Variants in PLEKHA3 observed in about 807,000 individuals in gnomAD.
The protein encoded by PLEKHA3 is pleckstrin homology domain containing A3, also known as pleckstrin homology domain-containing family A member 3.
Under a neutral mutation model 39.2 loss-of-function variants are expected in PLEKHA3, and 19 were observed. The observed-to-expected ratio is 0.48, with a 90% confidence interval of 0.34 to 0.71. The LOEUF is 0.71. PLEKHA3 is among the 30% of genes least tolerant of loss of function. The pLI is 0.01. For synonymous variants in PLEKHA3, 97 were observed against 118.6 expected, an observed-to-expected ratio of 0.82 and a Z score of 1.18; for missense variants, 253 against 359.5, an observed-to-expected ratio of 0.70 and a Z score of 2.40.
intron 4 of PLEKHA3, 127 bp downstream of exon 4, chr2:178,494,116 A>C: frequency 1.0e-6 from 1 of 1,002,952 alleles, no homozygotes; most frequent in Non-Finnish European, 1.4e-6. Flanking sequence ...GGTTCTGCCT[A>C]CTGTATACTA....
At position 178,514,044 on chromosome 2, in the gene PLEKHA3, C is replaced by T. The variant is rs999694137; in HGVS notation, c.*10157C>T. The T allele has an allele frequency of 1.3e-5, 2 of 152,032 alleles. No homozygotes were observed. Among genetic ancestry groups the T allele is most frequent in the African/African-American group, 4.8e-5 (2 of 41,388 alleles). The allele number at this position is 152,032 out of a possible 1,614,324, so 9.4% of individuals were successfully genotyped here. On this transcript the variant is annotated 3_prime_UTR_variant, in exon 8 of 8. Transcript: ENST00000234453. ...TCCATAGCCTCTTGCAATGGTGCCT[C>T]ATCTTGGGGAGGCTTTAGAACACAG...
At chr2:178,500,876 G>A (rs970803175) in intron 6 of PLEKHA3, among the ~76,000 whole-genome samples, 185 bp from the exon 7 acceptor site, 5 of 152,076 alleles carry the variant, frequency 3.3e-5, no homozygotes, top group African/African-American at 9.6e-5. Flanking sequence ...TATTCTCCAG[G>A]TTACCAGCTG....
At chr2:178,485,001 A>G (rs902988465) in intron 1 of PLEKHA3, among the ~76,000 whole-genome samples, 2 of 152,246 alleles carry the variant, frequency 1.3e-5, no homozygotes, top group Non-Finnish European at 2.9e-5. Flanking sequence ...TGTTCTCACC[A>G]TAGGGTATGT....
intron 6 of PLEKHA3, among the ~76,000 whole-genome samples, chr2:178,500,017 A>C (rs1044255292): frequency 3.9e-5 from 6 of 152,112 alleles, no homozygotes; most frequent in Non-Finnish European, 7.4e-5. Context: ...AGAGAAAACC[A>C]CTTGATATTT....
In PLEKHA3 at chr2:178,495,679, G is replaced by A; in HGVS notation, c.615+19G>A. 6.4e-7 allele frequency: 1 copy of A among 1,573,806 alleles called. No individual in the cohort carries two copies. Among genetic ancestry groups the A allele is most frequent in the Non-Finnish European group, 8.6e-7 (1 of 1,158,070 alleles). ...TCAAATGGTTTGAACTTCTTGTTTTGGTTTTTTCCCTCAGTAGTAATGTTG... is the reference window on the plus strand; with the variant it reads ...TCAAATGGTTTGAACTTCTTGTTTTAGTTTTTTCCCTCAGTAGTAATGTTG... On this transcript the variant is annotated intron_variant, in intron 5 of 7. Transcript: ENST00000234453.
In PLEKHA3 at chr2:178,509,468, A is replaced by G. The variant is rs1685649753; in HGVS notation, c.*5581A>G. 1.3e-5 allele frequency: 2 copies of G among 151,144 alleles called. No individual in the cohort carries two copies. The highest frequency in any genetic ancestry group is 4.9e-5 in the African/African-American group (2 of 41,138). 9.4% of individuals were successfully genotyped at this position (151,144 alleles called of 1,614,324 possible). On this transcript the variant is annotated 3_prime_UTR_variant, in exon 8 of 8. Coordinates refer to ENST00000234453, the MANE Select transcript of PLEKHA3 (RefSeq NM_019091.4). ...ATTGTTTACTATCATTATTATTATTACTACTATCAGTTTTTTTTTTTTTTT... is the reference window on the plus strand; with the variant it reads ...ATTGTTTACTATCATTATTATTATTGCTACTATCAGTTTTTTTTTTTTTTT...
chr2:178,488,990 C>G (rs1276746729), intron 2 of PLEKHA3: 1 of 455,432 alleles, frequency 2.2e-6, no homozygotes. Flanking sequence ...GAGGGGACCA[C>G]CCTTGATTGG....
chr2:178,508,784 C>T lies in PLEKHA3; in HGVS notation c.*4897C>T, dbSNP rs1397195722. The stretch of plus-strand genomic sequence containing the variant: ...CCTCTCTCATGCCCATCCGGCCCCA[C>T]CCCCCAAATCCTCCTCTGGCTGCTG... On this transcript the variant is annotated 3_prime_UTR_variant, in exon 8 of 8. Transcript: ENST00000234453. 6.5e-6 allele frequency: 1 copy of T among 153,760 alleles called. No homozygotes were observed. Among genetic ancestry groups the T allele is most frequent in the Non-Finnish European group, 1.5e-5 (1 of 68,108 alleles). 9.5% of individuals were successfully genotyped at this position (153,760 alleles called of 1,614,324 possible).
intron 1 of PLEKHA3, 50 bp from the exon 2 acceptor site, chr2:178,485,591 T>C (rs1685236649): frequency 8.8e-7 from 1 of 1,130,206 alleles, no homozygotes; most frequent in Non-Finnish European, 1.3e-6. Context: ...TTCTATGTGG[T>C]GAAAGTAATG....
At chr2:178,492,943 A>T (rs921317832) in intron 3 of PLEKHA3, among the ~76,000 whole-genome samples, 5 of 152,292 alleles carry the variant, frequency 3.3e-5, no homozygotes, top group Admixed American at 2.6e-4. Flanking sequence ...AGTTTTTTTT[A>T]AAAAGGAGAA....
chr2:178,493,748 C>A, intron 3 of PLEKHA3, 105 bp from the exon 4 acceptor site: 1 of 972,136 alleles, frequency 1.0e-6, no homozygotes, highest in Non-Finnish European at 1.5e-6. Context: ...ATTTCTTGAG[C>A]TATAGGTATT....
At chr2:178,499,432 A>C (rs762589044) in intron 6 of PLEKHA3, among the ~76,000 whole-genome samples, 178 bp downstream of exon 6, 12 of 152,122 alleles carry the variant, frequency 7.9e-5, no homozygotes, top group Non-Finnish European at 1.3e-4. Flanking sequence ...GCCTGGCCTC[A>C]GTAGGTAGTC....
chr2:178,502,460 T>C (rs1558931092), intron 7 of PLEKHA3: 2 of 313,334 alleles, frequency 6.4e-6, no homozygotes, highest in African/African-American at 2.3e-5. Flanking sequence ...AGGTTGAGTA[T>C]GTGAAAAAAG....
Position 178,480,690 on chromosome 2 carries a change from C to G in PLEKHA3, c.-180C>G. The stretch of plus-strand genomic sequence containing the variant: ...CTCGCGGCCCCCAAGCTCCACGCTG[C>G]GCCCGCTGTCCCGGCCTCTAAAGGC... On this transcript the variant is annotated 5_prime_UTR_variant, in exon 1 of 8. Coordinates refer to ENST00000234453, the MANE Select transcript of PLEKHA3 (RefSeq NM_019091.4). 1 of 392,622 alleles carries G rather than the reference C, an allele frequency of 2.5e-6. No individual in the cohort carries two copies. The highest frequency in any genetic ancestry group is 4.3e-6 in the Non-Finnish European group (1 of 230,952). The allele number at this position is 392,622 out of a possible 1,614,324, so 24.3% of individuals were successfully genotyped here. A position where few individuals can be genotyped will look rare whatever the true frequency, so the allele number is the denominator to read the frequency against.
intron 1 of PLEKHA3, chr2:178,481,833 C>T (rs1355725805): frequency 9.2e-6 from 1 of 108,496 alleles, no homozygotes; most frequent in Non-Finnish European, 2.0e-5. Context: ...GAACAGTAAA[C>T]AGATTTTTTG....
intron 7 of PLEKHA3, among the ~76,000 whole-genome samples, chr2:178,503,220 A>T (rs1235765548): frequency 6.6e-6 from 1 of 152,008 alleles, no homozygotes; most frequent in African/African-American, 2.4e-5. Flanking sequence ...GCTGCATTAC[A>T]AATGGAGAAA....
chr2:178,499,094 GT>G (rs1685491259), intron 5 of PLEKHA3, 116 bp from the exon 6 acceptor site: 5 of 974,812 alleles, frequency 5.1e-6, no homozygotes, highest in South Asian at 2.0e-5. Context: ...TTTTTTGCCA[GT>G]TATCTTTTTC....
chr2:178,492,524 A>G (rs33998881), intron 3 of PLEKHA3, among the ~76,000 whole-genome samples: 24,523 of 150,248 alleles, frequency 0.16, 2,699 homozygotes, highest in East Asian at 0.61. Flanking sequence ...CTAATGCTAG[A>G]TGACAAGTTA....
rs1685146761 is a variant in PLEKHA3 at position 178,480,806 on chromosome 2, G to A, written c.-64G>A. On this transcript the variant is annotated 5_prime_UTR_variant, in exon 1 of 8. Transcript: ENST00000234453. Reference sequence around the variant, plus strand: ...GCCGGGAGGGGCTGCCCCAGGCCCTGCGCCTACCCCATCACCGCGGCCGGC... The same window carrying A: ...GCCGGGAGGGGCTGCCCCAGGCCCTACGCCTACCCCATCACCGCGGCCGGC... 2 of 1,296,780 alleles carry A rather than the reference G, an allele frequency of 1.5e-6. No homozygotes were observed. Among genetic ancestry groups the A allele is most frequent in the East Asian group, 2.8e-5 (1 of 35,384 alleles). The allele number at this position is 1,296,780 out of a possible 1,614,324, so 80.3% of individuals were successfully genotyped here.
Sources: gnomAD v4.1 joint callset for allele counts (sites outside exome capture counted in the v4.1 genomes callset) on GRCh38, gnomAD v4.1.1 for gene constraint, MANE v1.5 for transcripts, NCBI Gene and HGNC (gene_info 2026-07-23, HGNC 2026-07-21) for gene names.